The following PBRM1 variants were observed in gnomAD, a reference collection of about 807,000 sequenced individuals.
PBRM1 encodes the protein protein polybromo-1.
Under a neutral mutation model 194.5 loss-of-function variants are expected in PBRM1, and 27 were observed. That is an observed-to-expected ratio of 0.14 (90% CI 0.10 to 0.19). The LOEUF (loss-of-function observed/expected upper bound fraction) is 0.19. PBRM1 is among the 10% of genes least tolerant of loss of function. The pLI, the probability that PBRM1 is intolerant of heterozygous loss-of-function variation, is 1.00. For missense variants in PBRM1, 1,466 were observed against 2,077.2 expected (o/e 0.71, Z 5.72); for synonymous variants, 655 against 693.2 (o/e 0.94, Z 0.87).
intron 20 of PBRM1, among the ~76,000 whole-genome samples, chr3:52,580,170 T>C (rs929167489): frequency 2.0e-5 from 3 of 151,978 alleles, no homozygotes; most frequent in African/African-American, 7.2e-5. Context: ...GGCCTGGCAA[T>C]TGGAGTTTGC....
intron 27 of PBRM1, chr3:52,551,809 G>A (rs2081051489): frequency 6.6e-6 from 1 of 152,174 alleles, no homozygotes; most frequent in South Asian, 2.1e-4. Context: ...ATTAAAAATC[G>A]TAATATTTTG....
intron 4 of PBRM1, among the ~76,000 whole-genome samples, chr3:52,661,248 C>T (rs1444123043): frequency 6.6e-6 from 1 of 152,134 alleles, no homozygotes; most frequent in Non-Finnish European, 1.5e-5. Flanking sequence ...TGTTCTTGAA[C>T]TCCTAACCTC....
chr3:52,679,642 G>T, exon 1 of PBRM1: 1 of 1,613,958 alleles, frequency 6.2e-7, no homozygotes, highest in Non-Finnish European at 8.5e-7. Flanking sequence ...GACACAGAAT[G>T]GTGCCCATCA....
At chr3:52,548,042 A>G (rs1403677986) in exon 30 of PBRM1, 1 of 1,598,272 alleles carries the variant, frequency 6.3e-7, no homozygotes, top group Non-Finnish European at 8.5e-7. Context: ...GCTTCTATAT[A>G]AAAGAAACGT....
At chr3:52,648,423 A>G in exon 7 of PBRM1, 1 of 1,601,988 alleles carries the variant, frequency 6.2e-7, no homozygotes, top group Non-Finnish European at 8.5e-7. Context: ...CATTGCATGA[A>G]TACTTTTGTA....
intron 3 of PBRM1, among the ~76,000 whole-genome samples, chr3:52,668,288 C>T (rs2096879284): frequency 6.6e-6 from 1 of 152,234 alleles, no homozygotes; most frequent in South Asian, 2.1e-4. Context: ...CAGAGCAAGA[C>T]CCTGTCTCAA....
chr3:52,582,741 T>A (rs1346785217), intron 20 of PBRM1, among the ~76,000 whole-genome samples: 1 of 152,084 alleles, frequency 6.6e-6, no homozygotes, highest in African/African-American at 2.4e-5. Context: ...TTACGTAGAA[T>A]CTTTCGGAGC....
intron 24 of PBRM1, among the ~76,000 whole-genome samples, chr3:52,562,614 T>C (rs2083923465): frequency 1.3e-5 from 2 of 150,032 alleles, no homozygotes; most frequent in Admixed American, 1.3e-4. Flanking sequence ...TGCACTCATA[T>C]CTCACTGCAG....
At chr3:52,564,364 G>C in intron 22 of PBRM1, 131 bp from the exon 25 acceptor site, 1 of 696,250 alleles carries the variant, frequency 1.4e-6, no homozygotes, top group Non-Finnish European at 2.4e-6. Context: ...AAAGGGGCTA[G>C]GCATGGTGGC....
At chr3:52,662,063 G>A (rs2153912897) in intron 4 of PBRM1, 70 bp downstream of exon 5, 1 of 1,498,928 alleles carries the variant, frequency 6.7e-7, no homozygotes. Flanking sequence ...CAGCCCAGAG[G>A]GAATCACAAG....
chr3:52,563,626 A>T, intron 23 of PBRM1, 133 bp from the exon 26 acceptor site: 2 of 635,334 alleles, frequency 3.1e-6, no homozygotes, highest in Non-Finnish European at 5.6e-6. Flanking sequence ...GCAGCATGGA[A>T]AGAGTTTAAA....
chr3:52,600,236 T>G (rs2093895918), intron 17 of PBRM1, among the ~76,000 whole-genome samples: 1 of 152,178 alleles, frequency 6.6e-6, no homozygotes, highest in South Asian at 2.1e-4. Context: ...TTGGAAAGTT[T>G]TCATCCATTA....
intron 16 of PBRM1, among the ~76,000 whole-genome samples, chr3:52,605,845 C>T (rs1276545502): frequency 2.0e-5 from 3 of 151,942 alleles, no homozygotes; most frequent in South Asian, 2.1e-4. Flanking sequence ...TCAGGTGATC[C>T]GCCCGCCGTG....
At chr3:52,685,255 A>G (rs1182160394) in intron 1 of PBRM1, among the ~76,000 whole-genome samples, 2 of 152,300 alleles carry the variant, frequency 1.3e-5, no homozygotes, top group Admixed American at 1.3e-4. Flanking sequence ...AAAATCCCGG[A>G]TTCTTTGTGG....
intron 4 of PBRM1, among the ~76,000 whole-genome samples, chr3:52,661,064 C>T (rs1259705224): frequency 6.6e-6 from 1 of 151,778 alleles, no homozygotes; most frequent in Non-Finnish European, 1.5e-5. Context: ...CTCATTCTGT[C>T]GCCCAGTCTG....
At chr3:52,651,630 T>TA (rs1316345050) in intron 6 of PBRM1, 112 bp downstream of exon 7, 1 of 513,094 alleles carries the variant, frequency 1.9e-6, no homozygotes, top group Non-Finnish European at 3.5e-6. Context: ...CATGATTTGC[T>TA]AATAACCCCT....
intron 22 of PBRM1, among the ~76,000 whole-genome samples, chr3:52,564,726 A>C (rs1370518499): frequency 6.6e-6 from 1 of 152,212 alleles, no homozygotes; most frequent in Non-Finnish European, 1.5e-5. Flanking sequence ...AATAGAACTG[A>C]AAGTGTAGAA....
rs2153423996 is a variant in PBRM1, at chr3:52,609,752, G to A, written c.2128C>T (p.Arg710Ter). ...TACTTGTTGGCCATCATGTGACTTC[G>A]AATTTTTTCCATGTCCATGGGCTTT... Residue 710 changes from arginine to a stop codon, truncating the protein, a stop_gained, in exon 16 of 30, where the codon CGA becomes TGA. Transcript: ENST00000296302. LOFTEE classifies it high-confidence loss of function. This position sits in a 1 kb window ranked among gnomAD's most constrained non-coding sequence, Gnocchi z 4.1. 6.2e-7 allele frequency: 1 copy of A among 1,607,142 alleles called. No homozygotes were observed. Among genetic ancestry groups the A allele is most frequent in the Non-Finnish European group, 8.5e-7 (1 of 1,177,542 alleles).
At chr3:52,620,515 G>A (rs1016485465) in intron 13 of PBRM1, among the ~76,000 whole-genome samples, 1 of 152,162 alleles carries the variant, frequency 6.6e-6, no homozygotes, top group Non-Finnish European at 1.5e-5. Flanking sequence ...ATTATCATTA[G>A]GTTTTTCTGT....
Sources: gnomAD v4.1 joint callset for allele counts (sites outside exome capture counted in the v4.1 genomes callset) on GRCh38, gnomAD v4.1.1 for gene constraint, Gnocchi (gnomAD v3.1) non-coding constraint, MANE v1.5 for transcripts, NCBI Gene and HGNC (gene_info 2026-07-23, HGNC 2026-07-21) for gene names.